Variants in CRADD observed in about 807,000 individuals in gnomAD.
The protein encoded by CRADD is CARD and death domain containing adaptor protein, also known as death domain-containing protein CRADD.
Under a neutral mutation model 15.5 loss-of-function variants are expected in CRADD, and 9 were observed. The observed-to-expected ratio is 0.58, with a 90% CI of 0.35 to 1.01. The LOEUF is 1.01. Ranked by LOEUF, CRADD falls within the 50% of genes least tolerant of loss-of-function variation. The pLI is 0.02. For missense variants in CRADD, 227 were observed against 250.3 expected, an observed-to-expected ratio of 0.91 and a Z score of 0.63; for synonymous variants, 118 against 107.6, an observed-to-expected ratio of 1.10 and a Z score of -0.60.
rs560567671 is a variant in CRADD at position 93,824,767 on chromosome 12, T to C, written c.299-25203T>C. Among the ~76,000 whole-genome samples the C allele has an allele frequency of 6.6e-6, 1 of 152,296 alleles. No individual in the cohort carries two copies. Among genetic ancestry groups the C allele is most frequent in the East Asian group, 1.9e-4 (1 of 5,172 alleles). On this transcript the variant is annotated intron_variant, in intron 2 of 2. Coordinates refer to ENST00000332896, the MANE Select transcript of CRADD (RefSeq NM_003805.5). This position sits in a 1 kb window ranked among gnomAD's most constrained non-coding sequence, Gnocchi z 4.3. ...TGCTGATTGTGGTGTCTGTGTCTCCTGCCCAGGGGGAATGGCCCTTCTGTC... is the reference window on the plus strand; with the variant it reads ...TGCTGATTGTGGTGTCTGTGTCTCCCGCCCAGGGGGAATGGCCCTTCTGTC...
chr12:93,796,871 G>C (rs752705031), intron 2 of CRADD, among the ~76,000 whole-genome samples: 2 of 152,096 alleles, frequency 1.3e-5, no homozygotes, highest in Non-Finnish European at 2.9e-5. Flanking sequence ...TTCTGCCCTT[G>C]TCAGTGTCTC....
intron 2 of CRADD, among the ~76,000 whole-genome samples, chr12:93,870,837 T>C (rs900934031): frequency 7.9e-5 from 12 of 152,230 alleles, no homozygotes; most frequent in African/African-American, 2.9e-4. Flanking sequence ...CAACCCCACA[T>C]ATCTGCCTCA....
chr12:93,686,158 G>A (rs1290986959), intron 2 of CRADD, among the ~76,000 whole-genome samples: 3 of 150,512 alleles, frequency 2.0e-5, no homozygotes, highest in African/African-American at 4.9e-5. Context: ...AAAATTAACC[G>A]GGTGTGGTGG....
At position 93,702,360 on chromosome 12, in the gene CRADD, A is replaced by C. The variant is rs75727644; in HGVS notation, c.298+23288A>C. The stretch of plus-strand genomic sequence containing the variant: ...GGAGCTGGCCTAGGGAGAGAAAAAA[A>C]ACCATCACTTCAACTCCTGTCTTCC... On this transcript the variant is annotated intron_variant, in intron 2 of 2. Transcript: ENST00000332896. Among the ~76,000 whole-genome samples the C allele has an allele frequency of 9.0e-3, 1,368 of 151,964 alleles. 22 individuals carry two copies. Among genetic ancestry groups the C allele is most frequent in the African/African-American group, 0.029 (1,220 of 41,412 alleles).
chr12:93,790,280 A>G (rs1214583039), intron 2 of CRADD, among the ~76,000 whole-genome samples: 5 of 152,122 alleles, frequency 3.3e-5, no homozygotes, highest in Non-Finnish European at 7.4e-5. Flanking sequence ...TTGGCCCCCA[A>G]GATACTCAGA....
chr12:93,831,244 TA>T, intron 2 of CRADD: 1 of 153,410 alleles, frequency 6.5e-6, no homozygotes, highest in Non-Finnish European at 1.4e-5. Context: ...CCAGGTTGCC[TA>T]AGGAGGAGTG....
intron 1 of CRADD, 119 bp from the exon 2 acceptor site, chr12:93,678,650 G>A (rs1366818242): frequency 1.0e-6 from 1 of 998,132 alleles, no homozygotes; most frequent in African/African-American, 1.6e-5. Context: ...ACCATGACCT[G>A]GCAGTCTGCT....
chr12:93,868,115 A>T (rs1958385926), intron 2 of CRADD, among the ~76,000 whole-genome samples: 1 of 152,234 alleles, frequency 6.6e-6, no homozygotes, highest in African/African-American at 2.4e-5. Context: ...TATTAAAATT[A>T]TAAATGTGGA....
chr12:93,736,544 A>G lies in CRADD; in HGVS notation c.298+57472A>G, dbSNP rs368859660. Among the ~76,000 whole-genome samples the G allele has an allele frequency of 1.1e-4, 16 of 152,296 alleles. 1 individual carries two copies. Among genetic ancestry groups the G allele is most frequent in the Admixed American group, 1.0e-3 (16 of 15,300 alleles). Reference sequence around the variant, plus strand: ...TTCTGTTCCCATCCATGACAATTCAAGTAGTTATAATGGGTGGATATAGGG... The same window carrying G: ...TTCTGTTCCCATCCATGACAATTCAGGTAGTTATAATGGGTGGATATAGGG... On this transcript the variant is annotated intron_variant, in intron 2 of 2. Transcript: ENST00000332896.
intron 2 of CRADD, among the ~76,000 whole-genome samples, chr12:93,814,487 T>C (rs1957668911): frequency 6.6e-6 from 1 of 152,228 alleles, no homozygotes; most frequent in Admixed American, 6.5e-5. Context: ...AAATATTTAA[T>C]CTGCCTTCAT....
intron 2 of CRADD, chr12:93,708,428 T>G (rs1001576100): frequency 1.3e-5 from 2 of 152,228 alleles, no homozygotes; most frequent in African/African-American, 4.8e-5. Context: ...TCCTCTCTGA[T>G]CCCCTTTGCT....
chr12:93,692,125 TAATC>T (rs1955588029), intron 2 of CRADD, among the ~76,000 whole-genome samples: 1 of 151,962 alleles, frequency 6.6e-6, no homozygotes, highest in South Asian at 2.1e-4. Context: ...ACAGCAGAAT[TAATC>T]AAGCAGAAGA....
At chr12:93,795,653 A>G (rs1957406465) in intron 2 of CRADD, among the ~76,000 whole-genome samples, 1 of 152,030 alleles carries the variant, frequency 6.6e-6, no homozygotes, top group South Asian at 2.1e-4. Flanking sequence ...TCTTTTCCCA[A>G]CTATTTTTAG....
chr12:93,732,108 C>A (rs1253372052), intron 2 of CRADD, among the ~76,000 whole-genome samples: 2 of 151,152 alleles, frequency 1.3e-5, no homozygotes, highest in Non-Finnish European at 2.9e-5. Context: ...TGCACTCCAG[C>A]CTGGGCGACA....
intron 2 of CRADD, among the ~76,000 whole-genome samples, chr12:93,841,168 C>T (rs909582509): frequency 1.3e-5 from 2 of 152,014 alleles, no homozygotes; most frequent in African/African-American, 2.4e-5. Context: ...TTATTGCAAA[C>T]GTAGGATACA....
At chr12:93,782,042 A>G (rs1235277579) in intron 2 of CRADD, among the ~76,000 whole-genome samples, 1 of 152,084 alleles carries the variant, frequency 6.6e-6, no homozygotes, top group African/African-American at 2.4e-5. Context: ...ACACATGCAC[A>G]CGTATGTTTA....
rs1955213084 is a variant in CRADD at position 93,678,721 on chromosome 12, C to A, written c.-6-48C>A. On this transcript the variant is annotated intron_variant, in intron 1 of 2. Transcript: ENST00000332896. ...CATTGCAGTGACACTGTCTTTAGGG[C>A]CACATCAACATGTCTGTAATTTGAG... 5.7e-6 allele frequency: 9 copies of A among 1,569,662 alleles called. No homozygotes were observed. In the South Asian group the frequency reaches 1.1e-4, roughly 19 times the overall value.
downstream of CRADD, among the ~76,000 whole-genome samples, chr12:93,852,523 C>T (rs1190994393): frequency 1.3e-5 from 2 of 152,226 alleles, no homozygotes; most frequent in Non-Finnish European, 2.9e-5. Flanking sequence ...ATGGCGGCAG[C>T]CCCTCCCTGG....
chr12:93,719,779 A>T (rs1174412317), intron 2 of CRADD, among the ~76,000 whole-genome samples: 1 of 152,068 alleles, frequency 6.6e-6, no homozygotes, highest in Non-Finnish European at 1.5e-5. Context: ...GGGATCTGTA[A>T]TGATGTTCTC....
Sources: gnomAD v4.1 joint callset for allele counts (sites outside exome capture counted in the v4.1 genomes callset) on GRCh38, gnomAD v4.1.1 for gene constraint, Gnocchi (gnomAD v3.1) non-coding constraint, MANE v1.5 for transcripts, NCBI Gene and HGNC (gene_info 2026-07-23, HGNC 2026-07-21) for gene names.